NAALADL2: variants seen among roughly 807,000 people sequenced by gnomAD.
NAALADL2 encodes N-acetylated alpha-linked acidic dipeptidase like 2.
In NAALADL2, 76 loss-of-function variants were observed where a neutral mutation model predicts 87.2. The ratio of observed to expected loss-of-function variants is 0.87; its 90% CI spans 0.72 to 1.05. The LOEUF (loss-of-function observed/expected upper bound fraction) is 1.05, where lower values mean the gene tolerates loss of function less well. Among genes scored for constraint, NAALADL2 ranks in the 50% least tolerant of loss-of-function variants. NAALADL2 has a pLI of 0.00. For missense variants in NAALADL2, 1,089 were observed against 945.8 expected, an observed-to-expected ratio of 1.15 and a Z score of -1.99; for synonymous variants, 354 against 331.0, an observed-to-expected ratio of 1.07 and a Z score of -0.75.
chr3:175,564,196 G>A (rs1190266498), intron 9 of NAALADL2, among the ~76,000 whole-genome samples: 1 of 151,958 alleles, frequency 6.6e-6, no homozygotes, highest in Non-Finnish European at 1.5e-5. Flanking sequence ...AAACCTGAGA[G>A]CACCTACCTG....
chr3:175,013,297 A>ATTTTTTTTT (rs1293274493), intron 1 of NAALADL2, among the ~76,000 whole-genome samples: 1 of 77,566 alleles, frequency 1.3e-5, no homozygotes, highest in Non-Finnish European at 2.2e-5. Context: ...ATATATATAT[A>ATTTTTTTTT]TATATTTTTT....
intron 1 of NAALADL2, among the ~76,000 whole-genome samples, chr3:174,451,270 T>G (rs2108272576): frequency 6.6e-6 from 1 of 152,328 alleles, no homozygotes. Context: ...TTCCAGTGAC[T>G]TACCATTACC....
At chr3:175,359,988 T>G (rs1055520702) in intron 5 of NAALADL2, among the ~76,000 whole-genome samples, 20 of 152,090 alleles carry the variant, frequency 1.3e-4, no homozygotes, top group African/African-American at 4.6e-4. Context: ...TCAATTACCA[T>G]TTTATAATGC....
intron 11 of NAALADL2, among the ~76,000 whole-genome samples, chr3:175,727,733 C>G (rs1001899267): frequency 3.3e-5 from 5 of 152,216 alleles, no homozygotes; most frequent in Non-Finnish European, 5.9e-5. Context: ...CTATCTCTTT[C>G]TCCTCCAACT....
At chr3:175,093,414 T>TATATATATATATATA (rs1553771396) in intron 1 of NAALADL2, among the ~76,000 whole-genome samples, 2,497 of 117,436 alleles carry the variant, frequency 0.021, 37 homozygotes, top group African/African-American at 0.026. Context: ...CATTTTATTT[T>TATATATATATATATA]TTTATATATA....
chr3:174,816,945 G>C (rs1362162499), intron 3 of NAALADL2, among the ~76,000 whole-genome samples: 1 of 152,148 alleles, frequency 6.6e-6, no homozygotes, highest in Admixed American at 6.5e-5. Flanking sequence ...ACTATTCCAA[G>C]GGAGAAAACC....
At chr3:175,737,432 A>G in intron 12 of NAALADL2, 33 bp downstream of exon 12, 1 of 1,313,278 alleles carries the variant, frequency 7.6e-7, no homozygotes, top group Non-Finnish European at 1.1e-6. Flanking sequence ...TAATTTTACC[A>G]ATGAAAAATT....
rs185706065 is a variant in NAALADL2 at position 175,316,480 on chromosome 3, G to T, written c.940-7695G>T. On this transcript the variant is annotated intron_variant, in intron 4 of 13. Coordinates refer to ENST00000454872, the MANE Select transcript of NAALADL2 (RefSeq NM_207015.3). The stretch of plus-strand genomic sequence containing the variant: ...ATAGTTATTTGAGAGAGATAAGTCA[G>T]GAATAGTTGAAGTTCAGTGTCAGGA... Among the ~76,000 whole-genome samples, 4 of 152,264 alleles carry T rather than the reference G, an allele frequency of 2.6e-5. No homozygotes were observed. The East Asian group carries it at 7.7e-4, about 29-fold the overall frequency.
At chr3:175,499,133 C>T (rs1313652924) in intron 9 of NAALADL2, among the ~76,000 whole-genome samples, 1 of 151,998 alleles carries the variant, frequency 6.6e-6, no homozygotes, top group Non-Finnish European at 1.5e-5. Context: ...AGATATGACT[C>T]ATTATTGGAA....
intron 10 of NAALADL2, among the ~76,000 whole-genome samples, chr3:175,599,686 A>G (rs1040876782): frequency 2.0e-5 from 3 of 152,036 alleles, no homozygotes; most frequent in Non-Finnish European, 4.4e-5. Context: ...AAATACAATC[A>G]TTTTCCAGTT....
intron 1 of NAALADL2, among the ~76,000 whole-genome samples, chr3:174,994,714 A>G (rs904417532): frequency 4.6e-5 from 7 of 152,214 alleles, no homozygotes; most frequent in African/African-American, 1.7e-4. Flanking sequence ...TTTCTTCTAT[A>G]AAGAAGAAAA....
intron 3 of NAALADL2, among the ~76,000 whole-genome samples, chr3:174,801,214 C>T (rs2109250782): frequency 6.6e-6 from 1 of 152,246 alleles, no homozygotes; most frequent in South Asian, 2.1e-4. Flanking sequence ...CAAATCTCTT[C>T]TGTAATTCCC....
At chr3:175,324,347 A>T in intron 5 of NAALADL2, 22 bp downstream of exon 5, 1 of 1,599,514 alleles carries the variant, frequency 6.3e-7, no homozygotes, top group Non-Finnish European at 8.5e-7. Context: ...GGTCATCATT[A>T]TTATACTTGT....
At chr3:175,222,352 A>G (rs1743512698) in intron 2 of NAALADL2, among the ~76,000 whole-genome samples, 1 of 152,190 alleles carries the variant, frequency 6.6e-6, no homozygotes, top group African/African-American at 2.4e-5. Context: ...TGACTTACAC[A>G]TAGTAGGTGG....
At chr3:175,199,858 ATATATATTTTTTTTTTTTT>A (rs1332659370) in intron 2 of NAALADL2, among the ~76,000 whole-genome samples, 8 of 17,708 alleles carry the variant, frequency 4.5e-4, no homozygotes, top group African/African-American at 1.7e-3. Context: ...ATATATATAT[ATATATATTTTTTTTTTTTT>A]TTTTTTTTTT....
chr3:174,813,146 A>T (rs540293762), intron 3 of NAALADL2, among the ~76,000 whole-genome samples: 2 of 152,296 alleles, frequency 1.3e-5, no homozygotes, highest in East Asian at 3.9e-4. Context: ...TATGTGTCCT[A>T]TACAGGTGTA....
chr3:174,500,961 A>G (rs565550909), intron 1 of NAALADL2, among the ~76,000 whole-genome samples: 1 of 151,988 alleles, frequency 6.6e-6, no homozygotes, highest in African/African-American at 2.4e-5. Context: ...GGTTCAAACA[A>G]TTCTCGAGCC....
chr3:175,764,120 T>C (rs890184632), intron 13 of NAALADL2, among the ~76,000 whole-genome samples: 3 of 150,056 alleles, frequency 2.0e-5, no homozygotes, highest in Non-Finnish European at 4.4e-5. Flanking sequence ...TATTTTATTA[T>C]TATTAAATTA....
chr3:175,360,830 G>GTA (rs1188954344), intron 5 of NAALADL2, among the ~76,000 whole-genome samples: 1 of 150,210 alleles, frequency 6.7e-6, no homozygotes, highest in Non-Finnish European at 1.5e-5. Flanking sequence ...GTGTGTATGT[G>GTA]TGTGTGTGTG....
Sources: gnomAD v4.1 joint callset for allele counts (sites outside exome capture counted in the v4.1 genomes callset) on GRCh38, gnomAD v4.1.1 for gene constraint, MANE v1.5 for transcripts, NCBI Gene and HGNC (gene_info 2026-07-23, HGNC 2026-07-21) for gene names.